GPHN: variants seen among roughly 807,000 people sequenced by gnomAD.
GPHN encodes gephyrin.
In GPHN, 17 loss-of-function variants were observed where a neutral mutation model predicts 95.5. That is an observed-to-expected ratio of 0.18 (90% CI 0.12 to 0.27). The LOEUF is 0.27. Among genes scored for constraint, GPHN ranks in the 10% least tolerant of loss-of-function variants. The probability of loss-of-function intolerance (pLI) is 1.00; values close to 1 mark genes in which losing one functional copy is unlikely to be tolerated. For missense variants in GPHN, 660 were observed against 978.1 expected (o/e 0.67, Z 4.34); for synonymous variants, 320 against 322.5 (o/e 0.99, Z 0.08).
intron 2 of GPHN, among the ~76,000 whole-genome samples, chr14:66,699,172 G>C (rs1951354): frequency 0.25 from 38,352 of 151,978 alleles, 9,749 homozygotes; most frequent in African/African-American, 0.62. Flanking sequence ...TTTCTCAATT[G>C]TTAAATGAAC....
intron 8 of GPHN, among the ~76,000 whole-genome samples, chr14:66,934,525 ATTAG>A (rs1419245218): frequency 6.6e-6 from 1 of 152,218 alleles, no homozygotes; most frequent in Non-Finnish European, 1.5e-5. Flanking sequence ...AGCCACAGTC[ATTAG>A]TTAAAGGATC....
In GPHN at chr14:67,054,700, C is replaced by G. The variant is rs138430868; in HGVS notation, c.1007-3949C>G. On this transcript the variant is annotated intron_variant, in intron 10 of 22. Transcript: ENST00000478722. Reference sequence around the variant, plus strand: ...GGCATCACATATCTGACTTCAAACTCAACTACAAGGCTATAGTAACCAAAA... The same window carrying G: ...GGCATCACATATCTGACTTCAAACTGAACTACAAGGCTATAGTAACCAAAA... Among the ~76,000 whole-genome samples the G allele has an allele frequency of 4.9e-3, 740 of 152,188 alleles. 4 individuals carry two copies. The highest frequency in any genetic ancestry group is 7.8e-3 in the Non-Finnish European group (528 of 67,980).
chr14:67,363,511 A>G, the GPHN span, among the ~76,000 whole-genome samples: 1 of 152,166 alleles, frequency 6.6e-6, no homozygotes, highest in Non-Finnish European at 1.5e-5. Flanking sequence ...GTTTTGAGAG[A>G]ATATAGTCTT....
chr14:66,657,452 GA>G (rs1162669385), intron 1 of GPHN, among the ~76,000 whole-genome samples: 2 of 152,334 alleles, frequency 1.3e-5, no homozygotes, highest in Non-Finnish European at 2.9e-5. Flanking sequence ...CAATATAGAT[GA>G]AATAGCCTTC....
chr14:67,411,084 C>T, the GPHN span, among the ~76,000 whole-genome samples: 3,273 of 139,996 alleles, frequency 0.023, 140 homozygotes, highest in African/African-American at 0.083. Flanking sequence ...GAAGTCGAGG[C>T]TGTGGTGAGC....
intron 9 of GPHN, among the ~76,000 whole-genome samples, chr14:67,016,744 A>T (rs1314506561): frequency 6.6e-6 from 1 of 152,138 alleles, no homozygotes; most frequent in East Asian, 1.9e-4. Flanking sequence ...ACCTTTACTC[A>T]GACTTTTTCT....
chr14:66,879,607 A>ATATAAGGTAAGTT (rs2063832596), intron 4 of GPHN, among the ~76,000 whole-genome samples: 2 of 152,164 alleles, frequency 1.3e-5, no homozygotes, highest in Non-Finnish European at 2.9e-5. Context: ...TTACCTGGTG[A>ATATAAGGTAAGTT]GAAATCTACT....
At chr14:67,498,739 C>T in the GPHN span, among the ~76,000 whole-genome samples, 20 of 152,134 alleles carry the variant, frequency 1.3e-4, no homozygotes, top group Admixed American at 2.6e-4. Context: ...GATCTCGGCT[C>T]ACCGCAGCCT....
chr14:66,564,031 G>A (rs1203797453), intron 1 of GPHN, among the ~76,000 whole-genome samples: 4 of 152,156 alleles, frequency 2.6e-5, no homozygotes, highest in African/African-American at 4.8e-5. Context: ...GGGCATGAAC[G>A]TATATGACTC....
chr14:66,776,653 A>G, intron 3 of GPHN, 132 bp downstream of exon 3: 4 of 705,998 alleles, frequency 5.7e-6, no homozygotes, highest in Non-Finnish European at 1.0e-5. Context: ...TATCATAGTG[A>G]ATTAAAAATT....
chr14:67,405,892 G>A, the GPHN span, among the ~76,000 whole-genome samples: 6 of 152,306 alleles, frequency 3.9e-5, no homozygotes, highest in Admixed American at 6.5e-5. Context: ...GAGAGACCCT[G>A]AGCCAGTCTT....
intron 11 of GPHN, among the ~76,000 whole-genome samples, chr14:67,070,715 A>AATATATATATAT (rs1555482658): frequency 0.016 from 1,324 of 80,258 alleles, 26 homozygotes; most frequent in Non-Finnish European, 0.018. Context: ...AAAAAAAAAA[A>AATATATATATAT]ATATATATAT....
intron 8 of GPHN, among the ~76,000 whole-genome samples, chr14:66,952,117 C>G (rs2068147294): frequency 6.6e-6 from 1 of 152,144 alleles, no homozygotes; most frequent in Admixed American, 6.5e-5. Context: ...TGTTGTACAA[C>G]TATTTTATCC....
At chr14:66,726,557 TAGTC>T (rs907559932) in intron 2 of GPHN, among the ~76,000 whole-genome samples, 4 of 152,222 alleles carry the variant, frequency 2.6e-5, no homozygotes, top group African/African-American at 9.6e-5. Context: ...GGAAAATGAA[TAGTC>T]AGAGTACTGA....
At chr14:66,941,683 T>TAAA (rs72495022) in intron 8 of GPHN, among the ~76,000 whole-genome samples, 3 of 138,652 alleles carry the variant, frequency 2.2e-5, no homozygotes, top group Admixed American at 7.3e-5. Flanking sequence ...AAAGCCTTGG[T>TAAA]AAAAAAAAAA....
the GPHN span, among the ~76,000 whole-genome samples, chr14:67,474,121 C>T: frequency 1.3e-5 from 2 of 152,090 alleles, no homozygotes; most frequent in African/African-American, 4.8e-5. Context: ...GCGTGGTGGC[C>T]CGCTCCTGTA....
chr14:67,296,321 C>T, the GPHN span, among the ~76,000 whole-genome samples: 10 of 152,086 alleles, frequency 6.6e-5, no homozygotes, highest in Admixed American at 6.5e-4. Context: ...TGTCCAGACG[C>T]CGGATGCAGT....
the GPHN span, chr14:67,584,132 C>T: frequency 3.1e-6 from 5 of 1,611,912 alleles, no homozygotes; most frequent in African/African-American, 1.3e-5. Context: ...CAGGTAAGTG[C>T]CAGTGGAAGG....
In GPHN at chr14:66,572,793, G is replaced by T. The variant is rs141394851; in HGVS notation, c.64+64202G>T. ...TCTAACAAAGACTTCCATTAACTACGTTGAATAGAAGTCGTGAGAGTGGGT... is the reference window on the plus strand; with the variant it reads ...TCTAACAAAGACTTCCATTAACTACTTTGAATAGAAGTCGTGAGAGTGGGT... On this transcript the variant is annotated intron_variant, in intron 1 of 22. Transcript: ENST00000478722. Among the ~76,000 whole-genome samples, 6 of 152,044 alleles carry T rather than the reference G, an allele frequency of 3.9e-5. No homozygotes were observed. The East Asian group carries it at 9.7e-4, about 24-fold the overall frequency.
Sources: allele counts gnomAD v4.1 joint callset (sites outside exome capture counted in the v4.1 genomes callset), GRCh38; gene constraint gnomAD v4.1.1; transcripts MANE v1.5; gene names NCBI Gene and HGNC (gene_info 2026-07-23, HGNC 2026-07-21).